GHSR: variants seen among roughly 807,000 people sequenced by gnomAD.
GHSR encodes the protein growth hormone secretagogue receptor, also known as growth hormone secretagogue receptor type 1.
GHSR carries 17 observed loss-of-function variants against 24.0 expected under a neutral mutation model. That is an observed-to-expected ratio of 0.71 (90% CI 0.49 to 1.06). The LOEUF (loss-of-function observed/expected upper bound fraction) is 1.06, where lower values mean the gene tolerates loss of function less well. Ranked by LOEUF, GHSR falls within the 50% of genes least tolerant of loss-of-function variation. The pLI, the probability that GHSR is intolerant of heterozygous loss-of-function variation, is 0.00. For synonymous variants in GHSR, 238 were observed against 208.1 expected, an observed-to-expected ratio of 1.14 and a Z score of -1.24; for missense variants, 504 against 483.1, an observed-to-expected ratio of 1.04 and a Z score of -0.41.
Position 172,445,126 on chromosome 3 carries a change from G to A in GHSR, c.*35C>T. The A allele has an allele frequency of 6.2e-7, 1 of 1,610,130 alleles. No individual in the cohort carries two copies. The highest frequency in any genetic ancestry group is 8.5e-7 in the Non-Finnish European group (1 of 1,176,696). On this transcript the variant is annotated 3_prime_UTR_variant, in exon 2 of 2. Coordinates refer to ENST00000241256, the MANE Select transcript of GHSR (RefSeq NM_198407.2). ...GCTGTGCTATGTCTTCCGGTTTAGAGTAATAAGCGGTGACTGTACTCGCAA... is the reference window on the plus strand; with the variant it reads ...GCTGTGCTATGTCTTCCGGTTTAGAATAATAAGCGGTGACTGTACTCGCAA...
Position 172,444,922 on chromosome 3 carries a change from A to G in GHSR, c.*239T>C, listed in dbSNP as rs994045594. On this transcript the variant is annotated 3_prime_UTR_variant, in exon 2 of 2. Transcript: ENST00000241256. ...TTGCAAAGCCCTCACCAGCACCCGCAGCAGAATGCAAAATCATAGACAGTG... is the reference window on the plus strand; with the variant it reads ...TTGCAAAGCCCTCACCAGCACCCGCGGCAGAATGCAAAATCATAGACAGTG... Among the ~76,000 whole-genome samples, 1 of 152,192 alleles carries G rather than the reference A, an allele frequency of 6.6e-6. No homozygotes were observed. Among genetic ancestry groups the G allele is most frequent in the Non-Finnish European group, 1.5e-5 (1 of 68,050 alleles).
At position 172,448,069 on chromosome 3, in the gene GHSR, G is replaced by A; in HGVS notation, c.345C>T (p.Leu115=). 6.2e-7 allele frequency: 1 copy of A among 1,614,236 alleles called. No individual in the cohort carries two copies. The highest frequency in any genetic ancestry group is 8.5e-7 in the Non-Finnish European group (1 of 1,180,054). The change falls in exon 1 of 2, where the codon CTC becomes CTT. Residue 115 remains leucine, a synonymous_variant. Coordinates refer to ENST00000241256, the MANE Select transcript of GHSR (RefSeq NM_198407.2). This position sits in a 1 kb window ranked among gnomAD's most constrained non-coding sequence, Gnocchi z 4.8. Reference sequence around the variant, plus strand: ...CACTGACGAATTGGAAGAGTTTGCAGAGGAGGTCGCCGAAGTTCCAGGGCC... The same window carrying A: ...CACTGACGAATTGGAAGAGTTTGCAAAGGAGGTCGCCGAAGTTCCAGGGCC... The part of the protein sequence containing the change: ...QYRPWNFGDL[L]CKLFQFVSES...
Position 172,444,668 on chromosome 3 carries a change from A to G in GHSR, c.*493T>C, listed in dbSNP as rs1737416802. Among the ~76,000 whole-genome samples the G allele has an allele frequency of 6.6e-6, 1 of 152,142 alleles. No homozygotes were observed. Among genetic ancestry groups the G allele is most frequent in the Non-Finnish European group, 1.5e-5 (1 of 68,018 alleles). On this transcript the variant is annotated 3_prime_UTR_variant, in exon 2 of 2. Transcript: ENST00000241256. ...AAAGAATGTAAATTCCTTTTTAATA[A>G]TTTTTGTACTGATTGCTCACGTGCC...
At position 172,447,832 on chromosome 3, in the gene GHSR, G is replaced by C. The variant is rs145402261; in HGVS notation, c.582C>G (p.Asp194Glu). The C allele has an allele frequency of 6.2e-7, 1 of 1,613,918 alleles. No homozygotes were observed. Among genetic ancestry groups the C allele is most frequent in the African/African-American group, 1.3e-5 (1 of 75,022 alleles). The change falls in exon 1 of 2, where the codon GAC (aspartate) becomes GAG (glutamate). Residue 194 changes from aspartate (D) to glutamate (E), a missense_variant. Physicochemically the swap from Asp to Glu is conservative, Grantham distance 45 (BLOSUM62 2). Coordinates refer to ENST00000241256, the MANE Select transcript of GHSR (RefSeq NM_198407.2). ...VEHENGTDPW[D>E]TNECRPTEFA... ...ACTCGGTGGGGCGGCACTCGTTGGT[G>C]TCCCAAGGGTCGGTGCCGTTCTCGT...
Position 172,447,802 on chromosome 3 carries a change from C to A in GHSR, c.612G>T (p.Ala204=). 6.2e-7 allele frequency: 1 copy of A among 1,614,004 alleles called. No homozygotes were observed. Among genetic ancestry groups the A allele is most frequent in the South Asian group, 1.1e-5 (1 of 91,070 alleles). Residue 204 remains alanine (A), a synonymous_variant, in exon 1 of 2, where the codon GCG becomes GCT. Coordinates refer to ENST00000241256, the MANE Select transcript of GHSR (RefSeq NM_198407.2). ...TGACCGTGAGCAGTCCAGAGCGCACCGCAAACTCGGTGGGGCGGCACTCGT... is the reference window on the plus strand; with the variant it reads ...TGACCGTGAGCAGTCCAGAGCGCACAGCAAACTCGGTGGGGCGGCACTCGT... ...DTNECRPTEF[A]VRSGLLTVMV...
chr3:172,447,689 C>A lies in GHSR; in HGVS notation c.725G>T (p.Arg242Met), dbSNP rs1185613544. Residue 242 changes from arginine (R) to methionine (M), a missense_variant, in exon 1 of 2, where the codon AGG becomes ATG. Coordinates refer to ENST00000241256, the MANE Select transcript of GHSR (RefSeq NM_198407.2). ...ACCCACGACAGCATCGCCGCGCCTC[C>A]TCCGCCACAGCTTCCTGCCGATGAG... Reference protein sequence around the residue: ...YSLIGRKLWRRRRGDAVVGAS... With the variant: ...YSLIGRKLWRMRRGDAVVGAS... The A allele has an allele frequency of 3.1e-6, 5 of 1,614,088 alleles. No homozygotes were observed. Among genetic ancestry groups the A allele is most frequent in the Non-Finnish European group, 4.2e-6 (5 of 1,180,028 alleles).
intron 1 of GHSR, 101 bp downstream of exon 1, chr3:172,447,517 G>T: frequency 1.9e-6 from 3 of 1,543,194 alleles, no homozygotes; most frequent in Non-Finnish European, 2.6e-6. Context: ...AAGAGGTAGC[G>T]ACTCAGGGGG....
At position 172,444,984 on chromosome 3, in the gene GHSR, G is replaced by A; in HGVS notation, c.*177C>T. On this transcript the variant is annotated 3_prime_UTR_variant, in exon 2 of 2. Coordinates refer to ENST00000241256, the MANE Select transcript of GHSR (RefSeq NM_198407.2). ...ATAGTGTATGAGAGCACTGATAATT[G>A]TGCGATCAAATCAAACTGCTCACAC... 7.1e-6 allele frequency: 5 copies of A among 702,522 alleles called. No homozygotes were observed. Among genetic ancestry groups the A allele is most frequent in the South Asian group, 6.9e-5 (4 of 58,344 alleles). 43.5% of individuals were successfully genotyped at this position (702,522 alleles called of 1,614,324 possible). A position where few individuals can be genotyped will look rare whatever the true frequency, so the allele number is the denominator to read the frequency against.
chr3:172,447,942 C>T lies in GHSR; in HGVS notation c.472G>A (p.Gly158Arg), dbSNP rs554096465. The change falls in exon 1 of 2, where the codon GGG becomes AGG. Residue 158 changes from glycine (G) to arginine (R), a missense_variant. By Grantham distance (125) the Gly-to-Arg change is moderately radical. Transcript: ENST00000241256. ...ACGAAGATGACCAGCTTCACCCGCCCCTTGGTGACCACCACCTTGGCCCGG... is the reference window on the plus strand; with the variant it reads ...ACGAAGATGACCAGCTTCACCCGCCTCTTGGTGACCACCACCTTGGCCCGG... ...PLRAKVVVTK[G>R]RVKLVIFVIW... The T allele has an allele frequency of 2.5e-6, 4 of 1,613,410 alleles. No individual in the cohort carries two copies. The highest frequency in any genetic ancestry group is 1.1e-5 in the South Asian group (1 of 91,080).
At position 172,444,649 on chromosome 3, in the gene GHSR, T is replaced by C. The variant is rs934278446; in HGVS notation, c.*512A>G. On this transcript the variant is annotated 3_prime_UTR_variant, in exon 2 of 2. Coordinates refer to ENST00000241256, the MANE Select transcript of GHSR (RefSeq NM_198407.2). ...AAAGACTTAGTGTGAAAAAAAAGAA[T>C]GTAAATTCCTTTTTAATAATTTTTG... 3.3e-5 allele frequency among the ~76,000 whole-genome samples: 5 copies of C among 152,198 alleles called. No individual in the cohort carries two copies. The highest frequency in any genetic ancestry group is 3.3e-4 in the Admixed American group (5 of 15,272).
In GHSR at chr3:172,447,652, C is replaced by T. The variant is rs201901379; in HGVS notation, c.762G>A (p.Arg254=). The part of the protein sequence containing the change: ...RGDAVVGASL[R]DQNHKQTVKM... ...TCACGGTTTGCTTGTGGTTCTGGTC[C>T]CTGAGCGAGGCACCCACGACAGCAT... Residue 254 remains arginine, a synonymous_variant, in exon 1 of 2, where the codon AGG becomes AGA. Transcript: ENST00000241256. 6.2e-7 allele frequency: 1 copy of T among 1,614,038 alleles called. No individual in the cohort carries two copies. Among genetic ancestry groups the T allele is most frequent in the Admixed American group, 1.7e-5 (1 of 60,002 alleles).
In GHSR at chr3:172,448,040, C is replaced by T. The variant is rs1430352290; in HGVS notation, c.374G>A (p.Ser125Asn). 2 of 1,614,208 alleles carry T rather than the reference C, an allele frequency of 1.2e-6. No homozygotes were observed. Among genetic ancestry groups the T allele is most frequent in the Non-Finnish European group, 1.7e-6 (2 of 1,180,040 alleles). Residue 125 changes from serine (S) to asparagine (N), a missense_variant, in exon 1 of 2, where the codon AGC (serine) becomes AAC (asparagine). Coordinates refer to ENST00000241256, the MANE Select transcript of GHSR (RefSeq NM_198407.2). This position sits in a 1 kb window ranked among gnomAD's most constrained non-coding sequence, Gnocchi z 4.8. ...GGTGAGCACCGTGGCGTAGGTGCAG[C>T]TCTCACTGACGAATTGGAAGAGTTT... ...LCKLFQFVSESCTYATVLTIT... is the reference protein window; with the variant it reads ...LCKLFQFVSENCTYATVLTIT...
At position 172,445,307 on chromosome 3, in the gene GHSR, T is replaced by G. The variant is rs537833793; in HGVS notation, c.955A>C (p.Asn319His). 6.2e-7 allele frequency: 1 copy of G among 1,614,156 alleles called. No individual in the cohort carries two copies. The highest frequency in any genetic ancestry group is 1.3e-5 in the African/African-American group (1 of 75,050). The change falls in exon 2 of 2, where the codon AAC becomes CAC. Residue 319 changes from asparagine to histidine, a missense_variant. By Grantham distance (68) the Asn-to-His change is moderately conservative. Transcript: ENST00000241256. ...GACATGATGTTGTACAGAATGGGGT[T>G]GATGGCAGCACTGAGGTAGAAGAGG... Reference protein sequence around the residue: ...FVLFYLSAAINPILYNIMSKK... With the variant: ...FVLFYLSAAIHPILYNIMSKK...
rs1560129725 is a variant in GHSR at position 172,448,140 on chromosome 3, T to G, written c.274A>C (p.Ile92Leu). The G allele has an allele frequency of 1.2e-6, 2 of 1,614,006 alleles. No individual in the cohort carries two copies. The highest frequency in any genetic ancestry group is 2.2e-5 in the South Asian group (2 of 91,084). The change falls in exon 1 of 2, where the codon ATC becomes CTC. Residue 92 changes from isoleucine (I) to leucine (L), a missense_variant. Physicochemically the swap from Ile to Leu is conservative, Grantham distance 5. Transcript: ENST00000241256. The surrounding 1 kb of genome is among the most constrained non-coding windows in gnomAD (Gnocchi z 4.8). ...AGGTCCAGGGGCATGCAGAGGAAGA[T>G]GAGCAGATCGGAGAAGGCCATGCTG... ...LSSMAFSDLLIFLCMPLDLVR... is the reference protein window; with the variant it reads ...LSSMAFSDLLLFLCMPLDLVR...
intron 1 of GHSR, 95 bp downstream of exon 1, chr3:172,447,521 CAG>C (rs1245164104): frequency 1.4e-5 from 22 of 1,554,516 alleles, no homozygotes; most frequent in Non-Finnish European, 1.8e-5. Flanking sequence ...GGTAGCGACT[CAG>C]GGGGAAATAG....
rs896106040 is a variant in GHSR, at chr3:172,444,136, G to A, written c.*1025C>T. 6.6e-6 allele frequency among the ~76,000 whole-genome samples: 1 copy of A among 152,102 alleles called. No homozygotes were observed. Among genetic ancestry groups the A allele is most frequent in the Admixed American group, 6.5e-5 (1 of 15,270 alleles). On this transcript the variant is annotated 3_prime_UTR_variant, in exon 2 of 2. Transcript: ENST00000241256. Reference sequence around the variant, plus strand: ...TTTCATTTCCTGAATATTAACACATGCAACTCAACTTAATTTAAAAATGTA... The same window carrying A: ...TTTCATTTCCTGAATATTAACACATACAACTCAACTTAATTTAAAAATGTA...
chr3:172,445,719 T>C (rs1737444414), intron 1 of GHSR, among the ~76,000 whole-genome samples: 1 of 152,228 alleles, frequency 6.6e-6, no homozygotes, highest in South Asian at 2.1e-4. Context: ...AGTTGACACA[T>C]TGACTCAACT....
In GHSR at chr3:172,444,512, A is replaced by G. The variant is rs1276491188; in HGVS notation, c.*649T>C. ...GTGCTTAGACAACTTAGATTGTTGA[A>G]TCTACTTTTTATCTGTAAATTTTAT... On this transcript the variant is annotated 3_prime_UTR_variant, in exon 2 of 2. Transcript: ENST00000241256. Among the ~76,000 whole-genome samples, 1 of 152,232 alleles carries G rather than the reference A, an allele frequency of 6.6e-6. No individual in the cohort carries two copies. Among genetic ancestry groups the G allele is most frequent in the East Asian group, 1.9e-4 (1 of 5,206 alleles).
intron 1 of GHSR, 98 bp from the exon 2 acceptor site, chr3:172,445,563 C>A (rs1014141204): frequency 4.9e-6 from 6 of 1,214,734 alleles, no homozygotes; most frequent in Admixed American, 2.0e-5. Context: ...GGTCTATGAC[C>A]ATTGACTTCA....
Sources: allele counts gnomAD v4.1 joint callset (sites outside exome capture counted in the v4.1 genomes callset), GRCh38; gene constraint gnomAD v4.1.1; non-coding constraint Gnocchi (gnomAD v3.1); transcripts MANE v1.5; gene names NCBI Gene and HGNC (gene_info 2026-07-23, HGNC 2026-07-21).